Variants in ERC2 observed in about 807,000 individuals in gnomAD.
The protein encoded by ERC2 is ERC protein 2.
Under a neutral mutation model 114.8 loss-of-function variants are expected in ERC2, and 42 were observed. The ratio of observed to expected loss-of-function variants is 0.37; its 90% CI spans 0.29 to 0.47. The LOEUF (loss-of-function observed/expected upper bound fraction) is 0.47, where lower values mean the gene tolerates loss of function less well. Ranked by LOEUF, ERC2 falls within the 20% of genes least tolerant of loss-of-function variation. The pLI is 0.99. For missense variants in ERC2, 939 were observed against 1,150.7 expected (o/e 0.82, Z 2.66); for synonymous variants, 454 against 425.5 (o/e 1.07, Z -0.82).
At chr3:56,456,649 G>T (rs937712954) in intron 1 of ERC2, among the ~76,000 whole-genome samples, 3 of 152,138 alleles carry the variant, frequency 2.0e-5, no homozygotes, top group Admixed American at 6.5e-5. Context: ...TAGCCATATT[G>T]GGCATGCCTA....
intron 6 of ERC2, among the ~76,000 whole-genome samples, chr3:56,113,557 C>A (rs1371961789): frequency 9.2e-5 from 14 of 152,118 alleles, no homozygotes; most frequent in Non-Finnish European, 1.9e-4. Flanking sequence ...AAGAAGAAAA[C>A]TCTTTCTATA....
At chr3:56,013,653 C>T (rs1235212270) in intron 8 of ERC2, among the ~76,000 whole-genome samples, 3 of 152,082 alleles carry the variant, frequency 2.0e-5, no homozygotes, top group Admixed American at 6.6e-5. Flanking sequence ...CTGTACATGT[C>T]GATATTTTTA....
intron 17 of ERC2, among the ~76,000 whole-genome samples, chr3:55,577,467 T>C (rs995133682): frequency 6.6e-6 from 1 of 152,128 alleles, no homozygotes; most frequent in South Asian, 2.1e-4. Context: ...CAGGGCAGGG[T>C]CCCAAATGTA....
chr3:56,374,298 C>A (rs537265087), intron 2 of ERC2, among the ~76,000 whole-genome samples: 1 of 152,140 alleles, frequency 6.6e-6, no homozygotes, highest in East Asian at 1.9e-4. Context: ...GGGGTTTCAG[C>A]GTGTTAGCCA....
chr3:56,351,090 T>G (rs537865978), intron 2 of ERC2, among the ~76,000 whole-genome samples: 2 of 152,266 alleles, frequency 1.3e-5, no homozygotes, highest in East Asian at 3.9e-4. Flanking sequence ...AGAAAAAGGA[T>G]GATACTATTA....
chr3:55,744,614 G>GCAC (rs2066193556), intron 14 of ERC2, among the ~76,000 whole-genome samples: 1 of 152,198 alleles, frequency 6.6e-6, no homozygotes, highest in African/African-American at 2.4e-5. Flanking sequence ...CATGAGGTGA[G>GCAC]CACCAAGTGG....
At chr3:55,810,788 A>G (rs1029586241) in intron 14 of ERC2, among the ~76,000 whole-genome samples, 4 of 152,200 alleles carry the variant, frequency 2.6e-5, no homozygotes, top group African/African-American at 9.6e-5. Context: ...AAATAAATGC[A>G]TATCTATATG....
intron 17 of ERC2, among the ~76,000 whole-genome samples, chr3:55,635,685 C>T (rs2059930318): frequency 6.6e-6 from 1 of 151,916 alleles, no homozygotes; most frequent in Admixed American, 6.6e-5. Flanking sequence ...GCCACTGCGC[C>T]CAGCCTCAGA....
At position 56,081,046 on chromosome 3, in the gene ERC2, T is replaced by C. The variant is rs2077205122; in HGVS notation, c.1474-62A>G. On this transcript the variant is annotated intron_variant, in intron 6 of 17. Coordinates refer to ENST00000288221, the MANE Select transcript of ERC2 (RefSeq NM_015576.3). The stretch of plus-strand genomic sequence containing the variant: ...CAGAAAGGTCATCAATAACCATCAA[T>C]TGTGCCCTTTGAGGAGGCAGGGCAG... 1.2e-5 allele frequency: 18 copies of C among 1,565,052 alleles called. No individual in the cohort carries two copies. The South Asian group carries it at 1.4e-4, about 12-fold the overall frequency.
chr3:56,309,609 G>A lies in ERC2; in HGVS notation c.658-13174C>T, dbSNP rs117216827. On this transcript the variant is annotated intron_variant, in intron 2 of 17. Coordinates refer to ENST00000288221, the MANE Select transcript of ERC2 (RefSeq NM_015576.3). Reference sequence around the variant, plus strand: ...ATCCTGGATCTACCCATGACAGCCTGTGATGCCTTGAACAAATTACTTAAG... The same window carrying A: ...ATCCTGGATCTACCCATGACAGCCTATGATGCCTTGAACAAATTACTTAAG... Among the ~76,000 whole-genome samples, 71 of 152,290 alleles carry A rather than the reference G, an allele frequency of 4.7e-4. 1 individual carries two copies. In the East Asian group the frequency reaches 0.013, roughly 28 times the overall value.
chr3:55,551,926 T>C (rs2055236425), intron 17 of ERC2, among the ~76,000 whole-genome samples: 1 of 152,230 alleles, frequency 6.6e-6, no homozygotes. Context: ...ATGAAATTGC[T>C]ACATTTGCTC....
chr3:55,890,550 C>T (rs985137508), intron 13 of ERC2, among the ~76,000 whole-genome samples: 6 of 152,304 alleles, frequency 3.9e-5, no homozygotes, highest in East Asian at 1.9e-4. Flanking sequence ...GCCACTGGAC[C>T]GCTTAGGGCA....
intron 12 of ERC2, 55 bp downstream of exon 12, chr3:55,985,922 C>T: frequency 6.8e-7 from 1 of 1,476,344 alleles, no homozygotes; most frequent in Non-Finnish European, 9.2e-7. Flanking sequence ...AAGTGCAAGC[C>T]ATAAATTGAG....
At chr3:56,043,447 A>C (rs1007189309) in intron 7 of ERC2, among the ~76,000 whole-genome samples, 1 of 152,166 alleles carries the variant, frequency 6.6e-6, no homozygotes, top group Non-Finnish European at 1.5e-5. Context: ...TTTCATTTGT[A>C]ATGGACTTCT....
chr3:55,597,217 G>A (rs1270880571), intron 17 of ERC2, among the ~76,000 whole-genome samples: 2 of 152,022 alleles, frequency 1.3e-5, no homozygotes, highest in African/African-American at 4.8e-5. Context: ...TCAGGAGATC[G>A]AGACCATCCT....
At chr3:55,793,616 T>C (rs892373905) in intron 14 of ERC2, among the ~76,000 whole-genome samples, 2 of 152,172 alleles carry the variant, frequency 1.3e-5, no homozygotes, top group Non-Finnish European at 2.9e-5. Flanking sequence ...TAATAGCAGA[T>C]TGCATTGTTA....
At chr3:56,401,030 A>G (rs1441752971) in intron 2 of ERC2, among the ~76,000 whole-genome samples, 1 of 152,224 alleles carries the variant, frequency 6.6e-6, no homozygotes, top group Non-Finnish European at 1.5e-5. Context: ...GAAAAGGGAA[A>G]AGCAGGAAAG....
intron 2 of ERC2, among the ~76,000 whole-genome samples, chr3:56,326,898 GA>G (rs1400389916): frequency 6.6e-6 from 1 of 152,208 alleles, no homozygotes; most frequent in East Asian, 1.9e-4. Flanking sequence ...CTCTTTCTCT[GA>G]AACTGGATTT....
intron 3 of ERC2, among the ~76,000 whole-genome samples, chr3:56,272,136 C>T (rs1373055048): frequency 6.6e-6 from 1 of 152,180 alleles, no homozygotes; most frequent in East Asian, 1.9e-4. Flanking sequence ...AACTCTGCTA[C>T]ATTCACCACT....
Sources: gnomAD v4.1 joint callset for allele counts (sites outside exome capture counted in the v4.1 genomes callset) on GRCh38, gnomAD v4.1.1 for gene constraint, MANE v1.5 for transcripts, NCBI Gene and HGNC (gene_info 2026-07-23, HGNC 2026-07-21) for gene names.